Variants in CCPG1 observed in about 807,000 individuals in gnomAD.
CCPG1 encodes the protein cell cycle progression 1, also known as cell cycle progression protein 1.
A neutral mutation model predicts 81.3 loss-of-function variants in CCPG1; 46 were observed. The ratio of observed to expected loss-of-function variants is 0.57; its 90% CI spans 0.45 to 0.72. The LOEUF (loss-of-function observed/expected upper bound fraction) is 0.72, where lower values mean the gene tolerates loss of function less well. CCPG1 is among the 30% of genes least tolerant of loss of function. The probability of loss-of-function intolerance (pLI) is 0.00; values close to 1 mark genes in which losing one functional copy is unlikely to be tolerated. For missense variants in CCPG1, 902 were observed against 937.6 expected (o/e 0.96, Z 0.50); for synonymous variants, 330 against 305.2 (o/e 1.08, Z -0.85).
At chr15:55,361,631 G>A (rs1481280170) in intron 7 of CCPG1, among the ~76,000 whole-genome samples, 3 of 151,582 alleles carry the variant, frequency 2.0e-5, no homozygotes, top group African/African-American at 4.8e-5. Context: ...GCTTGAACCC[G>A]GGAGGCGAAT....
At chr15:55,404,887 T>C (rs1239566378) in intron 1 of CCPG1, among the ~76,000 whole-genome samples, 1 of 152,174 alleles carries the variant, frequency 6.6e-6, no homozygotes, top group Non-Finnish European at 1.5e-5. Context: ...CTGGCCATTA[T>C]GGTGAAACCC....
rs1275859565 is a variant in CCPG1 at position 55,375,204 on chromosome 15, T to A, written c.454+1745A>T. 2.0e-5 allele frequency among the ~76,000 whole-genome samples: 3 copies of A among 152,182 alleles called. No homozygotes were observed. The East Asian group carries it at 5.8e-4, about 29-fold the overall frequency. On this transcript the variant is annotated intron_variant, in intron 5 of 8. Transcript: ENST00000442196. ...TATACAACTTCCTGAAAAAAGTTAA[T>A]ATGTAATTTCTTTCTTTTTTTGAGA... is the stretch of plus-strand genomic sequence containing the variant.
At chr15:55,370,276 T>C (rs1258170053) in intron 6 of CCPG1, among the ~76,000 whole-genome samples, 2 of 152,236 alleles carry the variant, frequency 1.3e-5, no homozygotes, top group Admixed American at 6.5e-5. Flanking sequence ...GCATAAGAAA[T>C]ACATTTTTCG....
chr15:55,400,995 G>A (rs531073917), intron 1 of CCPG1, among the ~76,000 whole-genome samples: 2 of 152,206 alleles, frequency 1.3e-5, no homozygotes, highest in African/African-American at 4.8e-5. Context: ...GTCCTTTATA[G>A]TATCTAGATT....
chr15:55,382,730 C>T (rs1246408230), intron 3 of CCPG1, among the ~76,000 whole-genome samples: 1 of 151,988 alleles, frequency 6.6e-6, no homozygotes, highest in South Asian at 2.1e-4. Context: ...AGGATGGTCT[C>T]GATCTCCTGA....
intron 1 of CCPG1, among the ~76,000 whole-genome samples, chr15:55,406,930 T>C (rs2057237297): frequency 6.6e-6 from 1 of 151,794 alleles, no homozygotes. Context: ...AAATTATGAA[T>C]TAACGCCCGC....
intron 1 of CCPG1, among the ~76,000 whole-genome samples, chr15:55,403,091 A>C (rs1192605861): frequency 6.6e-6 from 1 of 152,180 alleles, no homozygotes; most frequent in Non-Finnish European, 1.5e-5. Context: ...CACACTTCAA[A>C]CATATAAGTG....
At chr15:55,394,280 A>G (rs1360839444) in intron 1 of CCPG1, among the ~76,000 whole-genome samples, 1 of 152,164 alleles carries the variant, frequency 6.6e-6, no homozygotes, top group Non-Finnish European at 1.5e-5. Context: ...GCCACTGTAC[A>G]CAGCCTAAAG....
chr15:55,361,565 G>T (rs1464072471), intron 7 of CCPG1, among the ~76,000 whole-genome samples: 3 of 151,552 alleles, frequency 2.0e-5, no homozygotes, highest in Admixed American at 6.6e-5. Context: ...AATTAGCTGG[G>T]CATGGTGGCA....
intron 1 of CCPG1, among the ~76,000 whole-genome samples, chr15:55,400,203 CAAAAAAAAAAA>C (rs61331208): frequency 6.1e-5 from 2 of 32,952 alleles, no homozygotes; most frequent in African/African-American, 3.2e-4. Context: ...TACTCTACCT[CAAAAAAAAAAA>C]AAAAAAAAAA....
At chr15:55,407,817 C>G (rs997982391) in intron 1 of CCPG1, 2 of 152,354 alleles carry the variant, frequency 1.3e-5, no homozygotes, top group African/African-American at 2.4e-5. Context: ...TGGCATTAAA[C>G]CCGGCAGGGT....
intron 3 of CCPG1, among the ~76,000 whole-genome samples, chr15:55,381,392 C>T (rs540393): frequency 0.017 from 2,633 of 152,102 alleles, 69 homozygotes; most frequent in African/African-American, 0.06. Context: ...GAGATCATTG[C>T]GCCACTGCAC....
intron 3 of CCPG1, among the ~76,000 whole-genome samples, chr15:55,380,452 C>G (rs561683784): frequency 6.6e-6 from 1 of 151,454 alleles, no homozygotes; most frequent in African/African-American, 2.4e-5. Context: ...CCCACCACCA[C>G]GCCCGGCTAA....
intron 1 of CCPG1, among the ~76,000 whole-genome samples, chr15:55,405,873 T>G (rs1278170721): frequency 6.6e-6 from 1 of 152,206 alleles, no homozygotes; most frequent in Non-Finnish European, 1.5e-5. Flanking sequence ...TTGTTGCTTA[T>G]TTGGTGTTTT....
chr15:55,380,456 C>A (rs930358984), intron 3 of CCPG1, among the ~76,000 whole-genome samples: 1 of 151,354 alleles, frequency 6.6e-6, no homozygotes, highest in Non-Finnish European at 1.5e-5. Flanking sequence ...CCACCACGCC[C>A]GGCTAATTTT....
chr15:55,389,067 T>TAAAAAAAAAA (rs765502316), intron 2 of CCPG1, among the ~76,000 whole-genome samples: 1 of 21,570 alleles, frequency 4.6e-5, no homozygotes, highest in African/African-American at 3.3e-4. Context: ...AGACTCTGTC[T>TAAAAAAAAAA]CAAAAAAAAA....
intron 6 of CCPG1, among the ~76,000 whole-genome samples, chr15:55,366,709 T>C (rs1054766783): frequency 7.2e-5 from 11 of 151,768 alleles, no homozygotes; most frequent in African/African-American, 2.7e-4. Flanking sequence ...GAGGTGGAGG[T>C]TGTGGTGAGC....
intron 1 of CCPG1, among the ~76,000 whole-genome samples, chr15:55,390,277 T>C (rs931327508): frequency 6.6e-6 from 1 of 152,130 alleles, no homozygotes; most frequent in African/African-American, 2.4e-5. Context: ...TGTGTTAAAG[T>C]TGGGGCAGGG....
At chr15:55,379,285 G>C (rs1386795093) in intron 3 of CCPG1, among the ~76,000 whole-genome samples, 1 of 151,738 alleles carries the variant, frequency 6.6e-6, no homozygotes, top group Non-Finnish European at 1.5e-5. Context: ...ACTTTTGGGA[G>C]GCCAAGGCTG....
Sources: allele counts gnomAD v4.1 joint callset (sites outside exome capture counted in the v4.1 genomes callset), GRCh38; gene constraint gnomAD v4.1.1; transcripts MANE v1.5; gene names NCBI Gene and HGNC (gene_info 2026-07-23, HGNC 2026-07-21).